Variants in NIPBL observed in about 807,000 individuals in gnomAD.
NIPBL encodes NIPBL cohesin loading factor, also known as nipped-B-like protein.
A neutral mutation model predicts 321.8 loss-of-function variants in NIPBL; 19 were observed. The observed-to-expected ratio is 0.06, with a 90% CI of 0.04 to 0.09. The LOEUF is 0.09. Among genes scored for constraint, NIPBL ranks in the 10% least tolerant of loss-of-function variants. The probability of loss-of-function intolerance (pLI) is 1.00; values close to 1 mark genes in which losing one functional copy is unlikely to be tolerated. For synonymous variants in NIPBL, 1,106 were observed against 1,114.1 expected (o/e 0.99, Z 0.14); for missense variants, 2,210 against 3,327.0 (o/e 0.66, Z 8.26).
At chr5:36,995,905 CTTAA>C (rs1746090512) in intron 11 of NIPBL, 101 bp downstream of exon 11, 1 of 965,212 alleles carries the variant, frequency 1.0e-6, no homozygotes, top group Non-Finnish European at 1.6e-6. Flanking sequence ...GCACAGTCAC[CTTAA>C]TTCTTAATAA....
At chr5:37,042,751 A>G (rs1011867946) in intron 34 of NIPBL, among the ~76,000 whole-genome samples, 11 of 149,408 alleles carry the variant, frequency 7.4e-5, no homozygotes, top group Non-Finnish European at 1.3e-4. Flanking sequence ...ACTTGAACTC[A>G]GGAGGCGGAG....
chr5:37,026,625 G>A (rs974075273), intron 31 of NIPBL, among the ~76,000 whole-genome samples: 2 of 152,142 alleles, frequency 1.3e-5, no homozygotes, highest in African/African-American at 4.8e-5. Flanking sequence ...AGATACAATC[G>A]CCCAAGGGTA....
chr5:37,051,677 G>T, intron 40 of NIPBL, 102 bp from the exon 41 acceptor site: 1 of 769,456 alleles, frequency 1.3e-6, no homozygotes, highest in East Asian at 2.6e-5. Context: ...AGGCCTATAA[G>T]GTTAAATTCA....
At chr5:37,064,325 C>A in intron 46 of NIPBL, 1 of 1,429,564 alleles carries the variant, frequency 7.0e-7, no homozygotes, top group Non-Finnish European at 9.1e-7. Flanking sequence ...GACACGGGTA[C>A]AAATTAAGAG....
At position 37,066,282 on chromosome 5, in the gene NIPBL, T is replaced by A. The variant is rs2149762907; in HGVS notation, c.*1390T>A. On this transcript the variant is annotated 3_prime_UTR_variant, in exon 47 of 47. Transcript: ENST00000282516. Reference sequence around the variant, plus strand: ...AATGTTTTACTTATTTTTAAATCACTTTGAAAAAATTGACCTCCAGAATGC... The same window carrying A: ...AATGTTTTACTTATTTTTAAATCACATTGAAAAAATTGACCTCCAGAATGC... The A allele has an allele frequency of 6.6e-6, 1 of 152,326 alleles. No homozygotes were observed. The highest frequency in any genetic ancestry group is 1.9e-4 in the East Asian group (1 of 5,192). 9.4% of individuals were successfully genotyped at this position (152,326 alleles called of 1,614,324 possible).
intron 1 of NIPBL, among the ~76,000 whole-genome samples, chr5:36,883,947 C>T (rs1229838339): frequency 1.3e-5 from 2 of 151,606 alleles, no homozygotes; most frequent in Non-Finnish European, 2.9e-5. Context: ...AAAATTTCTT[C>T]CTAGGGTTCT....
chr5:37,000,527 T>C lies in NIPBL; in HGVS notation c.3459T>C (p.Asp1153=). ...GGRYRNRSPS[D]SDMEDYSPPP... is the part of the protein sequence containing the mutation. ...GTTATCGAAACCGAAGTCCGTCAGA[T>C]TCTGACATGGAAGATTATTCTCCTC... The change falls in exon 12 of 47, where the codon GAT becomes GAC. Residue 1153 remains aspartate (D), a synonymous_variant. Transcript: ENST00000282516. The C allele has an allele frequency of 1.2e-6, 2 of 1,613,470 alleles. No homozygotes were observed. Among genetic ancestry groups the C allele is most frequent in the Non-Finnish European group, 1.7e-6 (2 of 1,179,528 alleles).
At chr5:37,013,733 C>CA (rs1159868241) in intron 21 of NIPBL, among the ~76,000 whole-genome samples, 3 of 150,714 alleles carry the variant, frequency 2.0e-5, no homozygotes, top group African/African-American at 7.3e-5. Context: ...ACTGGGCAGC[C>CA]AGGCAGAGAG....
Position 36,985,334 on chromosome 5 carries a change from T to G in NIPBL, c.2154T>G (p.Ser718Arg), listed in dbSNP as rs1274207607. 4 of 1,612,258 alleles carry G rather than the reference T, an allele frequency of 2.5e-6. No individual in the cohort carries two copies. Among genetic ancestry groups the G allele is most frequent in the Non-Finnish European group, 2.5e-6 (3 of 1,179,668 alleles). ...GGCCTGAGACTCCAAAACAAAAGAG[T>G]GATGGGCATCCTGAAACCCCAAAAC... ...ESRPETPKQK[S>R]DGHPETPKQK... is the part of the protein sequence containing the mutation. The change falls in exon 10 of 47, where the codon AGT becomes AGG. Residue 718 changes from serine (S) to arginine (R), a missense_variant. Coordinates refer to ENST00000282516, the MANE Select transcript of NIPBL (RefSeq NM_133433.4).
At chr5:37,055,751 C>T (rs1287916347) in intron 42 of NIPBL, among the ~76,000 whole-genome samples, 2 of 152,036 alleles carry the variant, frequency 1.3e-5, no homozygotes, top group Non-Finnish European at 2.9e-5. Flanking sequence ...TGAGATGACT[C>T]ATGCTTGTAA....
chr5:36,955,978 T>G (rs1740891591), intron 3 of NIPBL, among the ~76,000 whole-genome samples: 1 of 151,712 alleles, frequency 6.6e-6, no homozygotes, highest in Non-Finnish European at 1.5e-5. Context: ...TCCCAGCACT[T>G]TGGGAGGCCG....
At chr5:36,920,023 A>T (rs1748806255) in intron 1 of NIPBL, among the ~76,000 whole-genome samples, 1 of 152,086 alleles carries the variant, frequency 6.6e-6, no homozygotes, top group South Asian at 2.1e-4. Context: ...TGGCAATAGT[A>T]TTTTGCCATT....
At chr5:36,991,521 T>A (rs1170440877) in intron 10 of NIPBL, among the ~76,000 whole-genome samples, 1 of 152,130 alleles carries the variant, frequency 6.6e-6, no homozygotes, top group Admixed American at 6.5e-5. Context: ...TGTATACATA[T>A]CAAGGAAAGA....
intron 1 of NIPBL, among the ~76,000 whole-genome samples, chr5:36,913,161 G>A (rs1161929271): frequency 6.6e-6 from 1 of 152,080 alleles, no homozygotes; most frequent in Non-Finnish European, 1.5e-5. Context: ...TTTGAATATG[G>A]ATTGTATTTT....
chr5:36,962,071 A>C lies in NIPBL; in HGVS notation c.459-52A>C. Reference sequence around the variant, plus strand: ...TTGTGACAGTCAGATTTCAAGGAATAGCGTGTTTATTTTATTTCCTTATAT... The same window carrying C: ...TTGTGACAGTCAGATTTCAAGGAATCGCGTGTTTATTTTATTTCCTTATAT... On this transcript the variant is annotated intron_variant, in intron 5 of 46. Transcript: ENST00000282516. The C allele has an allele frequency of 9.4e-6, 15 of 1,593,470 alleles. No individual in the cohort carries two copies. The South Asian group carries it at 1.7e-4, about 18-fold the overall frequency.
intron 33 of NIPBL, 62 bp downstream of exon 33, chr5:37,036,549 TG>T: frequency 1.5e-6 from 1 of 677,898 alleles, no homozygotes. Flanking sequence ...TTAAATATTT[TG>T]AGTAAATTTC....
intron 1 of NIPBL, chr5:36,886,413 A>G (rs1745909804): frequency 2.7e-6 from 2 of 737,136 alleles, no homozygotes; most frequent in African/African-American, 3.4e-5. Context: ...ACTCCATGCA[A>G]ACTATCCAAA....
chr5:37,043,940 T>A (rs1009103987), intron 34 of NIPBL, among the ~76,000 whole-genome samples: 3 of 152,172 alleles, frequency 2.0e-5, no homozygotes, highest in Non-Finnish European at 4.4e-5. Context: ...CAAATACTCC[T>A]GTGTCAGGAT....
At chr5:36,922,336 A>AT (rs1749011890) in intron 1 of NIPBL, among the ~76,000 whole-genome samples, 1 of 152,040 alleles carries the variant, frequency 6.6e-6, no homozygotes, top group Non-Finnish European at 1.5e-5. Context: ...CCCTAAACCT[A>AT]TTAGTTTGAT....
Sources: gnomAD v4.1 joint callset for allele counts (sites outside exome capture counted in the v4.1 genomes callset) on GRCh38, gnomAD v4.1.1 for gene constraint, MANE v1.5 for transcripts, NCBI Gene and HGNC (gene_info 2026-07-23, HGNC 2026-07-21) for gene names.